Variants in ADGRL4 observed in about 807,000 individuals in gnomAD.
The protein encoded by ADGRL4 is EGF, latrophilin and seven transmembrane domain containing 1.
ADGRL4 carries 90 observed loss-of-function variants against 74.8 expected under a neutral mutation model. The observed-to-expected ratio is 1.20, with a 90% confidence interval of 1.02 to 1.43. The LOEUF (loss-of-function observed/expected upper bound fraction) is 1.43, where lower values mean the gene tolerates loss of function less well. ADGRL4 is among the 40% of genes most tolerant of loss of function. The pLI, the probability that ADGRL4 is intolerant of heterozygous loss-of-function variation, is 0.00. For synonymous variants in ADGRL4, 311 were observed against 279.2 expected (o/e 1.11, Z -1.14); for missense variants, 881 against 814.3 (o/e 1.08, Z -1.00).
rs117825272 is a variant in ADGRL4 at position 78,895,638 on chromosome 1, A to T, written c.1750-2449T>A. ...AAAGTATTCTACAGAGAAAAACAGC[A>T]TAGGAAAATCTTCAAGGCTTGAGGA... On this transcript the variant is annotated intron_variant, in intron 12 of 14. Transcript: ENST00000370742. Among the ~76,000 whole-genome samples the T allele has an allele frequency of 1.7e-4, 26 of 152,296 alleles. No homozygotes were observed. The East Asian group carries it at 5.0e-3, about 29-fold the overall frequency.
chr1:78,926,130 C>G (rs1649109899), intron 8 of ADGRL4, among the ~76,000 whole-genome samples: 1 of 151,996 alleles, frequency 6.6e-6, no homozygotes, highest in African/African-American at 2.4e-5. Flanking sequence ...GTTTAGAAAG[C>G]CCCTTTTCCT....
At chr1:79,001,389 T>G (rs1650841119) in intron 2 of ADGRL4, among the ~76,000 whole-genome samples, 1 of 150,344 alleles carries the variant, frequency 6.7e-6, no homozygotes, top group African/African-American at 2.4e-5. Context: ...TGATGAAAAC[T>G]GAAAACAAAT....
At chr1:78,916,456 T>G (rs112400664) in intron 12 of ADGRL4, among the ~76,000 whole-genome samples, 1 of 151,904 alleles carries the variant, frequency 6.6e-6, no homozygotes, top group Non-Finnish European at 1.5e-5. Flanking sequence ...CTTATGTGGG[T>G]TGGAAATTTT....
At position 78,917,833 on chromosome 1, in the gene ADGRL4, T is replaced by G. The variant is rs1274736903; in HGVS notation, c.1679A>C (p.Lys560Thr). Residue 560 changes from lysine to threonine, a missense_variant, in exon 11 of 15, where the codon AAA (lysine) becomes ACA (threonine). By Grantham distance (78) the Lys-to-Thr change is moderately conservative. Transcript: ENST00000370742. ...TCATGAAATCATTTTAACTTACACT[T>G]TGGTTGTGCCATAATATCTGTATCC... is the stretch of plus-strand genomic sequence containing the variant. Reference protein sequence around the residue: ...ALGYRYYGTTKVCWLSTENNF... With the variant: ...ALGYRYYGTTTVCWLSTENNF... The G allele has an allele frequency of 6.2e-7, 1 of 1,612,132 alleles. No individual in the cohort carries two copies. The highest frequency in any genetic ancestry group is 8.5e-7 in the Non-Finnish European group (1 of 1,178,626).
At chr1:78,893,074 A>T (rs1247851492) in intron 13 of ADGRL4, 24 bp downstream of exon 13, 1 of 1,407,706 alleles carries the variant, frequency 7.1e-7, no homozygotes. Flanking sequence ...AAAAAAAAAA[A>T]AGTGAACTTA....
chr1:78,966,213 T>G (rs1650052745), intron 2 of ADGRL4, among the ~76,000 whole-genome samples: 1 of 152,148 alleles, frequency 6.6e-6, no homozygotes, highest in Non-Finnish European at 1.5e-5. Flanking sequence ...GAGCCTGGCC[T>G]CTCTCTCCTG....
intron 12 of ADGRL4, among the ~76,000 whole-genome samples, chr1:78,897,284 T>C (rs1483190887): frequency 1.3e-5 from 2 of 152,030 alleles, no homozygotes; most frequent in Non-Finnish European, 2.9e-5. Flanking sequence ...TCTTGTGGAG[T>C]CCAGTTTTAG....
At chr1:78,894,471 A>G (rs1463714555) in intron 12 of ADGRL4, among the ~76,000 whole-genome samples, 2 of 151,828 alleles carry the variant, frequency 1.3e-5, no homozygotes, top group African/African-American at 4.8e-5. Context: ...ATTTAAATTG[A>G]TTTAGGTGAT....
At chr1:78,982,680 CAAAG>C (rs1318348505) in intron 2 of ADGRL4, among the ~76,000 whole-genome samples, 2 of 151,686 alleles carry the variant, frequency 1.3e-5, no homozygotes, top group Non-Finnish European at 2.9e-5. Flanking sequence ...TAAAATATGA[CAAAG>C]AAAATAAATG....
At chr1:78,916,741 C>A (rs1353763050) in intron 12 of ADGRL4, among the ~76,000 whole-genome samples, 1 of 151,752 alleles carries the variant, frequency 6.6e-6, no homozygotes, top group Admixed American at 6.6e-5. Context: ...AAAAGAAATT[C>A]AAAAAGATGG....
chr1:78,930,558 T>C (rs2100680905), intron 7 of ADGRL4, among the ~76,000 whole-genome samples: 1 of 149,674 alleles, frequency 6.7e-6, no homozygotes, highest in East Asian at 2.0e-4. Flanking sequence ...TTCAAGCAAT[T>C]CTCTGCCTCA....
intron 2 of ADGRL4, among the ~76,000 whole-genome samples, chr1:79,002,012 A>G (rs1034588747): frequency 6.6e-6 from 1 of 152,034 alleles, no homozygotes; most frequent in Non-Finnish European, 1.5e-5. Flanking sequence ...TACCTCTAGG[A>G]TTTGTTTCAG....
chr1:78,945,047 C>T (rs564497131), intron 3 of ADGRL4, among the ~76,000 whole-genome samples: 1 of 151,820 alleles, frequency 6.6e-6, no homozygotes, highest in Non-Finnish European at 1.5e-5. Context: ...CACCTGTAGT[C>T]CCAGCTACTC....
At chr1:78,998,384 T>C (rs1292913796) in intron 2 of ADGRL4, among the ~76,000 whole-genome samples, 1 of 142,638 alleles carries the variant, frequency 7.0e-6, no homozygotes, top group African/African-American at 2.6e-5. Flanking sequence ...TTTTTTTTTT[T>C]TTTTGAGACA....
At chr1:78,905,973 A>G (rs550740910) in intron 12 of ADGRL4, among the ~76,000 whole-genome samples, 4 of 152,172 alleles carry the variant, frequency 2.6e-5, no homozygotes, top group African/African-American at 9.6e-5. Flanking sequence ...AGCTCAAATT[A>G]TCCAAATATA....
chr1:78,997,407 C>T (rs1041165383), intron 2 of ADGRL4, among the ~76,000 whole-genome samples: 4 of 152,156 alleles, frequency 2.6e-5, no homozygotes, highest in Non-Finnish European at 4.4e-5. Flanking sequence ...GCTTGCATTA[C>T]TGACAATTTT....
At position 78,994,432 on chromosome 1, in the gene ADGRL4, C is replaced by A. The variant is rs58422160; in HGVS notation, c.172+10638G>T. Among the ~76,000 whole-genome samples, 398 of 152,230 alleles carry A rather than the reference C, an allele frequency of 2.6e-3. 2 individuals are homozygous for A. The highest frequency in any genetic ancestry group is 9.2e-3 in the African/African-American group (384 of 41,544). ...AACAATAAAATGGGGCATCAACAAA[C>A]CAGAATTGTCGCATTTTGCAGACTG... On this transcript the variant is annotated intron_variant, in intron 2 of 14. Transcript: ENST00000370742.
chr1:78,937,037 C>A (rs1649368922), intron 6 of ADGRL4, among the ~76,000 whole-genome samples: 1 of 152,160 alleles, frequency 6.6e-6, no homozygotes, highest in Admixed American at 6.5e-5. Context: ...CAATTTGATA[C>A]AAGATTCTGA....
At chr1:78,919,895 T>G (rs1648959873) in intron 10 of ADGRL4, among the ~76,000 whole-genome samples, 1 of 151,954 alleles carries the variant, frequency 6.6e-6, no homozygotes, top group African/African-American at 2.4e-5. Context: ...TTAACGTCCA[T>G]TTAAAAACAA....
Sources: gnomAD v4.1 joint callset for allele counts (sites outside exome capture counted in the v4.1 genomes callset) on GRCh38, gnomAD v4.1.1 for gene constraint, MANE v1.5 for transcripts, NCBI Gene and HGNC (gene_info 2026-07-23, HGNC 2026-07-21) for gene names.